USP45: variants seen among roughly 807,000 people sequenced by gnomAD.
The protein encoded by USP45 is ubiquitin carboxyl-terminal hydrolase 45.
A neutral mutation model predicts 95.8 loss-of-function variants in USP45; 89 were observed. That is an observed-to-expected ratio of 0.93 (90% confidence interval 0.78 to 1.11). USP45 has a LOEUF of 1.11. Among genes scored for constraint, USP45 ranks in the 50% least tolerant of loss-of-function variants. The pLI is 0.00. For missense variants in USP45, 898 were observed against 942.5 expected, an observed-to-expected ratio of 0.95 and a Z score of 0.62; for synonymous variants, 281 against 316.2, an observed-to-expected ratio of 0.89 and a Z score of 1.18.
Position 99,435,567 on chromosome 6 carries a change from G to C in USP45, c.*149C>G, listed in dbSNP as rs143436004. On this transcript the variant is annotated 3_prime_UTR_variant, in exon 18 of 18. Coordinates refer to ENST00000500704, the MANE Select transcript of USP45 (RefSeq NM_001346022.3). ...GCATTGAGTAAATTTACTTTAAAAGGGTTCACCAAAATGGTGAAAAAGTTC... is the reference window on the plus strand; with the variant it reads ...GCATTGAGTAAATTTACTTTAAAAGCGTTCACCAAAATGGTGAAAAAGTTC... The C allele has an allele frequency of 5.1e-4, 275 of 536,314 alleles. 1 individual carries two copies. Among genetic ancestry groups the C allele is most frequent in the African/African-American group, 4.0e-3 (203 of 51,200 alleles). The allele number at this position is 536,314 out of a possible 1,614,324, so 33.2% of individuals were successfully genotyped here. A position where few individuals can be genotyped will look rare whatever the true frequency, so the allele number is the denominator to read the frequency against.
chr6:99,443,002 G>A (rs1781812386), intron 15 of USP45, among the ~76,000 whole-genome samples: 1 of 152,138 alleles, frequency 6.6e-6, no homozygotes, highest in Non-Finnish European at 1.5e-5. Flanking sequence ...TGGATCACTT[G>A]AGGTCAGGAG....
intron 13 of USP45, 97 bp downstream of exon 13, chr6:99,464,507 A>G (rs1787397867): frequency 1.5e-6 from 2 of 1,343,480 alleles, no homozygotes; most frequent in Non-Finnish European, 2.0e-6. Flanking sequence ...GGTACATGAG[A>G]GTTTATTACA....
intron 8 of USP45, among the ~76,000 whole-genome samples, chr6:99,479,021 A>C (rs1257681274): frequency 3.3e-5 from 5 of 151,894 alleles, no homozygotes; most frequent in South Asian, 2.1e-4. Flanking sequence ...ACAAAAAAAA[A>C]AACAGGTAAG....
At chr6:99,488,601 T>C (rs1413161938) in intron 6 of USP45, 80 bp downstream of exon 6, 2 of 1,402,932 alleles carry the variant, frequency 1.4e-6, no homozygotes, top group Non-Finnish European at 1.9e-6. Context: ...AGCAGTCATT[T>C]GACAGTCTAC....
At position 99,445,848 on chromosome 6, in the gene USP45, C is replaced by A; in HGVS notation, c.1924G>T (p.Glu642Ter). The A allele has an allele frequency of 6.3e-7, 1 of 1,599,494 alleles. No individual in the cohort carries two copies. The highest frequency in any genetic ancestry group is 1.1e-5 in the South Asian group (1 of 87,082). ...TTCTGTTTGTTTTTAGTACAATTCT[C>A]ACATAGAAGCTTATTATTCCCCATT... ...LLMGNNKLLCENCTKNKQKYQ... is the reference protein window; with the variant it reads ...LLMGNNKLLC Residue 642 changes from glutamate to a stop codon, truncating the protein, a stop_gained, in exon 14 of 18, where the codon GAG becomes TAG. Coordinates refer to ENST00000500704, the MANE Select transcript of USP45 (RefSeq NM_001346022.3). LOFTEE classifies it high-confidence loss of function.
intron 16 of USP45, 46 bp downstream of exon 16, chr6:99,439,723 A>G: frequency 7.4e-7 from 1 of 1,344,014 alleles, no homozygotes; most frequent in Admixed American, 2.5e-5. Context: ...GGATACTTTC[A>G]AGCATATTAA....
intron 8 of USP45, 111 bp downstream of exon 8, chr6:99,482,642 G>T: frequency 1.9e-6 from 2 of 1,080,418 alleles, no homozygotes; most frequent in Non-Finnish European, 1.3e-6. Context: ...TCTCTTCATA[G>T]TCAGGGCAAT....
chr6:99,502,451 G>A (rs1206077273), intron 5 of USP45, among the ~76,000 whole-genome samples: 1 of 152,196 alleles, frequency 6.6e-6, no homozygotes, highest in African/African-American at 2.4e-5. Flanking sequence ...CAGAAATTCA[G>A]TGGTCTAGGA....
chr6:99,446,193 C>G lies in USP45; in HGVS notation c.1579G>C (p.Gly527Arg). Residue 527 changes from glycine (G) to arginine (R), a missense_variant, in exon 14 of 18, where the codon GGT (glycine) becomes CGT (arginine). Coordinates refer to ENST00000500704, the MANE Select transcript of USP45 (RefSeq NM_001346022.3). Reference sequence around the variant, plus strand: ...TAAAGGGGTCCATCTGGCTGCACACCGGATCCACTACTGGATCTGAACAGC... The same window carrying G: ...TAAAGGGGTCCATCTGGCTGCACACGGGATCCACTACTGGATCTGAACAGC... ...TGLFRSSSGS[G>R]VQPDGPLYPL... is the part of the protein sequence containing the mutation. 7 of 1,614,106 alleles carry G rather than the reference C, an allele frequency of 4.3e-6. No individual in the cohort carries two copies. Among genetic ancestry groups the G allele is most frequent in the Non-Finnish European group, 5.9e-6 (7 of 1,180,024 alleles).
In USP45 at chr6:99,446,124, T is replaced by C; in HGVS notation, c.1648A>G (p.Ser550Gly). 1 of 1,614,174 alleles carries C rather than the reference T, an allele frequency of 6.2e-7. No individual in the cohort carries two copies. Among genetic ancestry groups the C allele is most frequent in the Non-Finnish European group, 8.5e-7 (1 of 1,180,038 alleles). The change falls in exon 14 of 18, where the codon AGT becomes GGT. Residue 550 changes from serine to glycine, a missense_variant. Ser to Gly is a moderately conservative substitution (Grantham distance 56). Transcript: ENST00000500704. Reference sequence around the variant, plus strand: ...GCTTCTGCCATTTCCTTATCACCACTGTCAGTCTCCTTGGTGTACAGCAGT... The same window carrying C: ...GCTTCTGCCATTTCCTTATCACCACCGTCAGTCTCCTTGGTGTACAGCAGT... ...GKLLYTKETD[S>G]GDKEMAEAIS...
intron 1 of USP45, among the ~76,000 whole-genome samples, chr6:99,511,751 C>T (rs990722003): frequency 1.3e-5 from 2 of 151,610 alleles, no homozygotes; most frequent in Admixed American, 1.3e-4. Flanking sequence ...TGGTGCCCCA[C>T]CAATTCCACA....
At chr6:99,497,871 A>G (rs759383782) in intron 5 of USP45, among the ~76,000 whole-genome samples, 29 of 152,170 alleles carry the variant, frequency 1.9e-4, no homozygotes, top group Admixed American at 1.0e-3. Flanking sequence ...AGCTCTCGTC[A>G]ATGAGCTATT....
chr6:99,505,656 A>C lies in USP45; in HGVS notation c.377+1772T>G, dbSNP rs935791120. On this transcript the variant is annotated intron_variant, in intron 4 of 17. Coordinates refer to ENST00000500704, the MANE Select transcript of USP45 (RefSeq NM_001346022.3). ...ATTCCATCTCAAAAAAAAAAAAAAA[A>C]AAAACATAATGCATTACACCAATGC... is the stretch of plus-strand genomic sequence containing the variant. Among the ~76,000 whole-genome samples the C allele has an allele frequency of 2.0e-5, 3 of 152,016 alleles. No individual in the cohort carries two copies. In the East Asian group the frequency reaches 5.8e-4, roughly 29 times the overall value.
intron 8 of USP45, among the ~76,000 whole-genome samples, chr6:99,477,110 T>A (rs1257449043): frequency 6.6e-6 from 1 of 152,228 alleles, no homozygotes; most frequent in South Asian, 2.1e-4. Flanking sequence ...TATATTATAG[T>A]AGAAGACACA....
chr6:99,510,865 T>C (rs897119126), intron 1 of USP45, among the ~76,000 whole-genome samples: 3 of 152,124 alleles, frequency 2.0e-5, no homozygotes, highest in Admixed American at 6.5e-5. Flanking sequence ...GGAGTAAGTA[T>C]TGCTTCTGGA....
In USP45 at chr6:99,446,344, C is replaced by T. The variant is rs150471665; in HGVS notation, c.1428G>A (p.Met476Ile). 12 of 1,614,078 alleles carry T rather than the reference C, an allele frequency of 7.4e-6. No homozygotes were observed. The highest frequency in any genetic ancestry group is 4.0e-5 in the African/African-American group (3 of 74,932). ...NGDSLMFASLMNSESRLNESP... is the reference protein window; with the variant it reads ...NGDSLMFASLINSESRLNESP... ...TTTCATTCAGACGTGACTCAGAATT[C>T]ATGAGGCTGGCAAACATTAAAGAAT... The change falls in exon 14 of 18, where the codon ATG (methionine) becomes ATA (isoleucine). Residue 476 changes from methionine (M) to isoleucine (I), a missense_variant. Met to Ile is a conservative substitution (Grantham distance 10). Coordinates refer to ENST00000500704, the MANE Select transcript of USP45 (RefSeq NM_001346022.3).
At chr6:99,478,373 A>G (rs1010000259) in intron 8 of USP45, among the ~76,000 whole-genome samples, 4 of 152,172 alleles carry the variant, frequency 2.6e-5, no homozygotes, top group African/African-American at 9.7e-5. Context: ...ATCACCAAAC[A>G]TATGAAAATA....
rs1311566317 is a variant in USP45 at position 99,515,400 on chromosome 6, G to C, written c.-19C>G. On this transcript the variant is annotated 5_prime_UTR_variant, in exon 1 of 18. Transcript: ENST00000500704. ...CCGCGTTCTCAACTCACCCCGCCGG[G>C]CCGGGCCGCAGCGTCTACAACCTGG... The C allele has an allele frequency of 6.6e-6, 1 of 152,252 alleles. No individual in the cohort carries two copies. The highest frequency in any genetic ancestry group is 1.5e-5 in the Non-Finnish European group (1 of 68,082). 9.4% of individuals were successfully genotyped at this position (152,252 alleles called of 1,614,324 possible). A position where few individuals can be genotyped will look rare whatever the true frequency, so the allele number is the denominator to read the frequency against.
chr6:99,443,807 C>A, intron 14 of USP45, 145 bp from the exon 15 acceptor site: 1 of 519,722 alleles, frequency 1.9e-6, no homozygotes, highest in Admixed American at 3.7e-5. Flanking sequence ...GTCTTTACTC[C>A]TTCCTAAAAC....
Sources: gnomAD v4.1 joint callset for allele counts (sites outside exome capture counted in the v4.1 genomes callset) on GRCh38, gnomAD v4.1.1 for gene constraint, MANE v1.5 for transcripts, NCBI Gene and HGNC (gene_info 2026-07-23, HGNC 2026-07-21) for gene names.